PTPRD: variants seen among roughly 807,000 people sequenced by gnomAD.
PTPRD encodes the protein protein tyrosine phosphatase receptor type D, also known as receptor-type tyrosine-protein phosphatase delta.
PTPRD carries 34 observed loss-of-function variants against 214.5 expected under a neutral mutation model. The observed-to-expected ratio is 0.16, with a 90% CI of 0.12 to 0.21. The LOEUF (loss-of-function observed/expected upper bound fraction) is 0.21. Among genes scored for constraint, PTPRD ranks in the 10% least tolerant of loss-of-function variants. The pLI, the probability that PTPRD is intolerant of heterozygous loss-of-function variation, is 1.00. For synonymous variants in PTPRD, 1,128 were observed against 845.7 expected (o/e 1.33, Z -5.79); for missense variants, 2,545 against 2,398.7 (o/e 1.06, Z -1.27).
intron 5 of PTPRD, among the ~76,000 whole-genome samples, chr9:9,923,271 T>A (rs370423771): frequency 6.6e-6 from 1 of 150,868 alleles, no homozygotes; most frequent in Non-Finnish European, 1.5e-5. Context: ...AAATAAAATA[T>A]TGTAATGAAT....
intron 9 of PTPRD, among the ~76,000 whole-genome samples, chr9:9,217,185 T>C (rs572453075): frequency 6.6e-6 from 1 of 152,258 alleles, no homozygotes; most frequent in African/African-American, 2.4e-5. Flanking sequence ...CAACTCTGTC[T>C]CTTCCTAATG....
At chr9:10,583,023 T>C (rs1411284213) in intron 2 of PTPRD, among the ~76,000 whole-genome samples, 1 of 152,188 alleles carries the variant, frequency 6.6e-6, no homozygotes, top group South Asian at 2.1e-4. Context: ...TATAATTCAG[T>C]CCAGCAAGTA....
chr9:8,570,093 T>C (rs1452982517), intron 14 of PTPRD, among the ~76,000 whole-genome samples: 2 of 152,128 alleles, frequency 1.3e-5, no homozygotes, highest in Non-Finnish European at 2.9e-5. Context: ...ACTGTTCCTA[T>C]AGCAGAGATC....
chr9:9,685,168 A>G (rs1172764717), intron 7 of PTPRD, among the ~76,000 whole-genome samples: 1 of 151,350 alleles, frequency 6.6e-6, no homozygotes, highest in Non-Finnish European at 1.5e-5. Context: ...TTCAACTTAG[A>G]AGATAAAATG....
At chr9:8,378,935 C>A (rs1276887784) in intron 37 of PTPRD, among the ~76,000 whole-genome samples, 1 of 152,020 alleles carries the variant, frequency 6.6e-6, no homozygotes, top group Non-Finnish European at 1.5e-5. Flanking sequence ...CTAATCCTTA[C>A]ATTTCTAGTA....
At chr9:10,071,186 A>AT (rs1423816318) in intron 3 of PTPRD, among the ~76,000 whole-genome samples, 2 of 152,000 alleles carry the variant, frequency 1.3e-5, no homozygotes, top group Non-Finnish European at 2.9e-5. Context: ...CAAGATGTCA[A>AT]TTTTTCCCTA....
intron 10 of PTPRD, among the ~76,000 whole-genome samples, chr9:9,140,410 A>C (rs2099858144): frequency 1.3e-5 from 2 of 152,104 alleles, no homozygotes; most frequent in African/African-American, 2.4e-5. Context: ...AATCAAATAG[A>C]GAGAAATACT....
intron 2 of PTPRD, among the ~76,000 whole-genome samples, chr9:10,441,282 T>G (rs1244553254): frequency 6.6e-6 from 1 of 151,724 alleles, no homozygotes; most frequent in Non-Finnish European, 1.5e-5. Context: ...CTTTCCTGAT[T>G]TGATCTGTAT....
chr9:9,155,154 G>A (rs960696001), intron 10 of PTPRD, among the ~76,000 whole-genome samples: 1 of 152,146 alleles, frequency 6.6e-6, no homozygotes, highest in African/African-American at 2.4e-5. Flanking sequence ...GCTCTAAGAT[G>A]CATTGAAGGG....
chr9:8,452,009 G>A (rs146517524), intron 33 of PTPRD: 4 of 311,612 alleles, frequency 1.3e-5, no homozygotes, highest in African/African-American at 2.2e-5. Context: ...CCATTTCTCT[G>A]GTGCAAGGAA....
chr9:10,167,498 G>T (rs1592967159), intron 3 of PTPRD, among the ~76,000 whole-genome samples: 1 of 152,214 alleles, frequency 6.6e-6, no homozygotes, highest in East Asian at 1.9e-4. Flanking sequence ...TCAGGAAAGA[G>T]AATTCCATTA....
intron 12 of PTPRD, among the ~76,000 whole-genome samples, chr9:8,641,941 G>T (rs941577006): frequency 1.3e-5 from 2 of 152,160 alleles, no homozygotes; most frequent in South Asian, 4.1e-4. Context: ...GTAGGTGAGA[G>T]AACCAACCAA....
intron 10 of PTPRD, among the ~76,000 whole-genome samples, chr9:9,142,781 C>G (rs1178547556): frequency 1.3e-5 from 2 of 152,096 alleles, no homozygotes; most frequent in Non-Finnish European, 2.9e-5. Flanking sequence ...TTCACATACC[C>G]CATCTGTCCT....
At chr9:8,676,457 A>C (rs921535053) in intron 12 of PTPRD, among the ~76,000 whole-genome samples, 2 of 138,404 alleles carry the variant, frequency 1.4e-5, no homozygotes, top group African/African-American at 5.5e-5. Context: ...ATCTCGGCTC[A>C]CTACAACCTC....
intron 2 of PTPRD, among the ~76,000 whole-genome samples, chr9:10,467,588 A>G (rs1266215220): frequency 6.6e-6 from 1 of 152,204 alleles, no homozygotes; most frequent in African/African-American, 2.4e-5. Context: ...ACGTGTGTGT[A>G]CATGTGTGAT....
At chr9:9,611,173 T>C (rs1345462068) in intron 7 of PTPRD, among the ~76,000 whole-genome samples, 1 of 152,188 alleles carries the variant, frequency 6.6e-6, no homozygotes, top group Non-Finnish European at 1.5e-5. Flanking sequence ...GTCTTCAAAT[T>C]ATCACTGTCA....
intron 5 of PTPRD, among the ~76,000 whole-genome samples, chr9:9,779,446 C>A (rs2154488620): frequency 6.6e-6 from 1 of 152,198 alleles, no homozygotes; most frequent in Middle Eastern, 3.4e-3. Flanking sequence ...ATATTCACAA[C>A]CTATGCATCC....
chr9:10,051,483 G>T (rs1031292811), intron 3 of PTPRD, among the ~76,000 whole-genome samples: 5 of 151,506 alleles, frequency 3.3e-5, no homozygotes, highest in South Asian at 2.1e-4. Flanking sequence ...AAGTTTTAGG[G>T]TTCATGTGCA....
At chr9:9,175,588 A>C (rs2099924170) in intron 10 of PTPRD, among the ~76,000 whole-genome samples, 1 of 134,210 alleles carries the variant, frequency 7.5e-6, no homozygotes, top group South Asian at 2.3e-4. Context: ...GCGCTGCTGC[A>C]CTCCAGCTTG....
Sources: allele counts gnomAD v4.1 joint callset (sites outside exome capture counted in the v4.1 genomes callset), GRCh38; gene constraint gnomAD v4.1.1; transcripts MANE v1.5; gene names NCBI Gene and HGNC (gene_info 2026-07-23, HGNC 2026-07-21).